Variants in FAM227A observed in about 807,000 individuals in gnomAD.
FAM227A encodes the protein protein FAM227A.
Under a neutral mutation model 74.7 loss-of-function variants are expected in FAM227A, and 80 were observed. That is an observed-to-expected ratio of 1.07 (90% CI 0.89 to 1.29). The LOEUF (loss-of-function observed/expected upper bound fraction) is 1.29, where lower values mean the gene tolerates loss of function less well. Among genes scored for constraint, FAM227A ranks in the 50% most tolerant of loss-of-function variants. The pLI, the probability that FAM227A is intolerant of heterozygous loss-of-function variation, is 0.00. For synonymous variants in FAM227A, 237 were observed against 241.8 expected, an observed-to-expected ratio of 0.98 and a Z score of 0.19; for missense variants, 654 against 683.4, an observed-to-expected ratio of 0.96 and a Z score of 0.48.
intron 11 of FAM227A, among the ~76,000 whole-genome samples, chr22:38,618,060 A>G (rs1410644040): frequency 2.0e-5 from 3 of 152,234 alleles, no homozygotes; most frequent in African/African-American, 7.2e-5. Flanking sequence ...CCTGTATAAT[A>G]AGGAACATCA....
chr22:38,613,872 G>A (rs139171305), intron 11 of FAM227A, among the ~76,000 whole-genome samples: 144 of 152,254 alleles, frequency 9.5e-4, no homozygotes, highest in Middle Eastern at 3.4e-3. Flanking sequence ...TCATCTGAGA[G>A]CTAGAATTCT....
intron 10 of FAM227A, among the ~76,000 whole-genome samples, chr22:38,621,352 A>AG (rs2091686044): frequency 6.7e-6 from 1 of 149,386 alleles, no homozygotes; most frequent in Non-Finnish European, 1.5e-5. Flanking sequence ...TCTGTCTCAA[A>AG]AAAAAAAAAA....
rs1437273398 is a variant in FAM227A at position 38,650,069 on chromosome 22, T to C, written c.100A>G (p.Met34Val). The change falls in exon 2 of 17, where the codon ATG (methionine) becomes GTG (valine). Residue 34 changes from methionine to valine, a missense_variant. Physicochemically the swap from Met to Val is conservative, Grantham distance 21. Transcript: ENST00000535113. ...LAVSLVARNT[M>V]VKTVRKELEN... Reference sequence around the variant, plus strand: ...AACTCCTTCCTCACAGTCTTCACCATTGTATTCCGTGCGACAAGCGAGACA... The same window carrying C: ...AACTCCTTCCTCACAGTCTTCACCACTGTATTCCGTGCGACAAGCGAGACA... The C allele has an allele frequency of 9.0e-6, 14 of 1,552,172 alleles. No individual in the cohort carries two copies. The highest frequency in any genetic ancestry group is 1.7e-4 in the Middle Eastern group (1 of 5,994).
At chr22:38,604,255 A>T (rs1255763040) in intron 13 of FAM227A, among the ~76,000 whole-genome samples, 1 of 152,222 alleles carries the variant, frequency 6.6e-6, no homozygotes, top group Non-Finnish European at 1.5e-5. Context: ...TGAACCCAGG[A>T]GGTGGAGGTT....
At chr22:38,646,248 C>CTTTTTTTTTTTTTT (rs1165890437) in intron 2 of FAM227A, among the ~76,000 whole-genome samples, 4 of 82,398 alleles carry the variant, frequency 4.9e-5, no homozygotes, top group African/African-American at 2.1e-4. Context: ...TCCAGTATTT[C>CTTTTTTTTTTTTTT]TTTTTTTTTT....
chr22:38,593,994 C>A (rs1273286292), intron 15 of FAM227A, among the ~76,000 whole-genome samples: 1 of 151,994 alleles, frequency 6.6e-6, no homozygotes, highest in Non-Finnish European at 1.5e-5. Context: ...GACCAGCCTT[C>A]TACCTTATGT....
chr22:38,617,202 T>C (rs930145490), intron 11 of FAM227A, among the ~76,000 whole-genome samples: 3 of 151,906 alleles, frequency 2.0e-5, no homozygotes, highest in Admixed American at 6.6e-5. Context: ...GGTTGTTGTA[T>C]CTATTTTATA....
intron 13 of FAM227A, among the ~76,000 whole-genome samples, chr22:38,602,229 T>A (rs962891960): frequency 6.6e-6 from 1 of 152,208 alleles, no homozygotes; most frequent in African/African-American, 2.4e-5. Flanking sequence ...GGGCTGGATA[T>A]TTCTTTGTTG....
chr22:38,626,179 C>T lies in FAM227A; in HGVS notation c.850+1G>A, dbSNP rs755009408. ...CCCGGTGGAAAAAAGTCACCTCTCA[C>T]CTGAAATCCACAGGCTCATTGTGTT... On this transcript the variant is annotated splice_donor_variant, in intron 9 of 16. Coordinates refer to ENST00000535113, the MANE Select transcript of FAM227A (RefSeq NM_001013647.2). LOFTEE classifies it high-confidence loss of function. 2 of 1,551,130 alleles carry T rather than the reference C, an allele frequency of 1.3e-6. No homozygotes were observed. The highest frequency in any genetic ancestry group is 1.7e-6 in the Non-Finnish European group (2 of 1,146,782).
chr22:38,655,759 A>C (rs2092383840), intron 1 of FAM227A, among the ~76,000 whole-genome samples: 1 of 152,170 alleles, frequency 6.6e-6, no homozygotes, highest in Admixed American at 6.6e-5. Flanking sequence ...TAGTTCTAGG[A>C]CATGGAAGTC....
At chr22:38,617,497 G>A (rs530315479) in intron 11 of FAM227A, among the ~76,000 whole-genome samples, 17 of 152,028 alleles carry the variant, frequency 1.1e-4, no homozygotes, top group Non-Finnish European at 2.1e-4. Flanking sequence ...GGGTTTCACC[G>A]TGTTAGCTAA....
intron 9 of FAM227A, among the ~76,000 whole-genome samples, chr22:38,625,621 C>T (rs1353364860): frequency 6.6e-6 from 1 of 151,938 alleles, no homozygotes; most frequent in Non-Finnish European, 1.5e-5. Flanking sequence ...GATATGGCCC[C>T]TCACTCCCTG....
intron 11 of FAM227A, among the ~76,000 whole-genome samples, chr22:38,611,338 G>T (rs1158403399): frequency 4.6e-5 from 7 of 152,166 alleles, no homozygotes; most frequent in Admixed American, 2.0e-4. Flanking sequence ...ACAATCTAGG[G>T]ATGCCTAGAA....
intron 11 of FAM227A, among the ~76,000 whole-genome samples, chr22:38,607,872 C>T (rs1039668251): frequency 5.9e-5 from 9 of 152,170 alleles, no homozygotes; most frequent in Non-Finnish European, 1.2e-4. Flanking sequence ...TTTATGCAAT[C>T]ACCTTTTTCA....
rs550779596 is a variant in FAM227A, at chr22:38,583,169, T to C, written c.*2956A>G. ...CACACGTTCTGGTTTCAGAAGACTA[T>C]ACTTTTTTTTTTTTTTTTTTGAGAT... On this transcript the variant is annotated 3_prime_UTR_variant, in exon 17 of 17. Coordinates refer to ENST00000535113, the MANE Select transcript of FAM227A (RefSeq NM_001013647.2). 2.4e-5 allele frequency: 10 copies of C among 423,572 alleles called. No individual in the cohort carries two copies. In the East Asian group the frequency reaches 3.7e-4, roughly 16 times the overall value. The allele number at this position is 423,572 out of a possible 1,614,324, so 26.2% of individuals were successfully genotyped here. A position where few individuals can be genotyped will look rare whatever the true frequency, so the allele number is the denominator to read the frequency against.
intron 10 of FAM227A, among the ~76,000 whole-genome samples, chr22:38,622,534 C>T (rs1001774414): frequency 3.9e-5 from 6 of 152,100 alleles, no homozygotes; most frequent in Non-Finnish European, 8.8e-5. Flanking sequence ...TTTCCTCATC[C>T]GTGAAGTGGA....
chr22:38,613,139 ATATATAT>A (rs1261737679), intron 11 of FAM227A, among the ~76,000 whole-genome samples: 30 of 87,750 alleles, frequency 3.4e-4, no homozygotes, highest in East Asian at 1.4e-3. Flanking sequence ...TATATATAAT[ATATATAT>A]TATATATTAT....
intron 6 of FAM227A, among the ~76,000 whole-genome samples, chr22:38,632,165 T>C (rs574878489): frequency 1.3e-5 from 2 of 152,198 alleles, no homozygotes; most frequent in East Asian, 1.9e-4. Context: ...GATGGAGCGA[T>C]ATGGGAGTCT....
In FAM227A at chr22:38,626,323, C is replaced by G; in HGVS notation, c.727-20G>C. On this transcript the variant is annotated intron_variant, in intron 8 of 16. Transcript: ENST00000535113. ...CAGCCTCTGCGGAGCAAGCCGAGCT[C>G]AGGCAACGTTCTCAACATTTCCACC... 6.5e-7 allele frequency: 1 copy of G among 1,548,504 alleles called. No homozygotes were observed. Among genetic ancestry groups the G allele is most frequent in the Non-Finnish European group, 8.7e-7 (1 of 1,145,766 alleles).
Sources: gnomAD v4.1 joint callset for allele counts (sites outside exome capture counted in the v4.1 genomes callset) on GRCh38, gnomAD v4.1.1 for gene constraint, MANE v1.5 for transcripts, NCBI Gene and HGNC (gene_info 2026-07-23, HGNC 2026-07-21) for gene names.